GNA13: variants seen among roughly 807,000 people sequenced by gnomAD.
GNA13 encodes the protein guanine nucleotide-binding protein subunit alpha-13.
GNA13 carries 4 observed loss-of-function variants against 33.5 expected under a neutral mutation model. The ratio of observed to expected loss-of-function variants is 0.12; its 90% CI spans 0.06 to 0.27. The LOEUF is 0.27. GNA13 is among the 10% of genes least tolerant of loss of function. The pLI, the probability that GNA13 is intolerant of heterozygous loss-of-function variation, is 1.00. For synonymous variants in GNA13, 176 were observed against 183.8 expected, an observed-to-expected ratio of 0.96 and a Z score of 0.34; for missense variants, 319 against 487.2, an observed-to-expected ratio of 0.65 and a Z score of 3.25.
At chr17:65,020,115 G>A (rs892499411) in intron 2 of GNA13, among the ~76,000 whole-genome samples, 10 of 152,200 alleles carry the variant, frequency 6.6e-5, no homozygotes, top group Admixed American at 5.2e-4. Context: ...AGCTCAGTAC[G>A]AGGCAACTGG....
intron 2 of GNA13, among the ~76,000 whole-genome samples, chr17:65,037,443 G>C (rs1907288367): frequency 6.6e-6 from 1 of 152,086 alleles, no homozygotes; most frequent in Non-Finnish European, 1.5e-5. Context: ...ACTTTCCTGT[G>C]CCAACATCGA....
At chr17:65,043,332 G>A (rs541915722) in intron 2 of GNA13, among the ~76,000 whole-genome samples, 8 of 151,774 alleles carry the variant, frequency 5.3e-5, no homozygotes, top group Non-Finnish European at 1.2e-4. Context: ...CTGTCTCCCA[G>A]GCTGGAGTGC....
chr17:65,040,814 C>T (rs775318394), intron 2 of GNA13, among the ~76,000 whole-genome samples: 1 of 152,094 alleles, frequency 6.6e-6, no homozygotes, highest in Non-Finnish European at 1.5e-5. Flanking sequence ...TTTAAAAACC[C>T]GTTAGTTGAA....
At chr17:65,040,146 G>C (rs1257543689) in intron 2 of GNA13, among the ~76,000 whole-genome samples, 1 of 150,658 alleles carries the variant, frequency 6.6e-6, no homozygotes, top group African/African-American at 2.4e-5. Context: ...ACAACAAGGG[G>C]AACCTTGGTT....
chr17:65,018,634 G>C (rs948192832), intron 2 of GNA13, among the ~76,000 whole-genome samples: 1 of 152,128 alleles, frequency 6.6e-6, no homozygotes, highest in African/African-American at 2.4e-5. Flanking sequence ...CTGCTTTTGA[G>C]ATAAAACATA....
chr17:65,032,141 A>G (rs529747932), intron 2 of GNA13, among the ~76,000 whole-genome samples: 1 of 152,322 alleles, frequency 6.6e-6, no homozygotes, highest in South Asian at 2.1e-4. Flanking sequence ...TAAAGTTTTC[A>G]GCAACAATTA....
Position 65,014,152 on chromosome 17 carries a change from T to A in GNA13, c.*105A>T. The A allele has an allele frequency of 1.5e-6, 1 of 682,358 alleles. No individual in the cohort carries two copies. The highest frequency in any genetic ancestry group is 2.5e-6 in the Non-Finnish European group (1 of 398,834). The allele number at this position is 682,358 out of a possible 1,614,324, so 42.3% of individuals were successfully genotyped here. A position where few individuals can be genotyped will look rare whatever the true frequency, so the allele number is the denominator to read the frequency against. On this transcript the variant is annotated 3_prime_UTR_variant, in exon 4 of 4. Coordinates refer to ENST00000439174, the MANE Select transcript of GNA13 (RefSeq NM_006572.6). The surrounding 1 kb of genome is among the most constrained non-coding windows in gnomAD (Gnocchi z 5.3). The stretch of plus-strand genomic sequence containing the variant: ...GATTTTCAAGAAGTTAAACGTAGAA[T>A]TAAGATTGTTCTAATTCTGGTTGTA...
chr17:65,024,643 A>G (rs1906706677), intron 2 of GNA13, among the ~76,000 whole-genome samples: 1 of 152,238 alleles, frequency 6.6e-6, no homozygotes, highest in African/African-American at 2.4e-5. Context: ...GTGCTTATTA[A>G]AAATACAGAT....
intron 2 of GNA13, among the ~76,000 whole-genome samples, chr17:65,023,026 T>C (rs1011865184): frequency 7.2e-5 from 11 of 152,194 alleles, no homozygotes; most frequent in African/African-American, 2.7e-4. Flanking sequence ...AATGCCAAGT[T>C]TGAAGTGACT....
At chr17:65,017,315 C>A (rs1245356310) in intron 3 of GNA13, among the ~76,000 whole-genome samples, 1 of 152,166 alleles carries the variant, frequency 6.6e-6, no homozygotes, top group Non-Finnish European at 1.5e-5. Context: ...GGCTGCTTCA[C>A]ATGAAGCACA....
At chr17:65,042,448 ACACGGTGGCTGGG>A (rs1488658029) in intron 2 of GNA13, among the ~76,000 whole-genome samples, 3 of 152,208 alleles carry the variant, frequency 2.0e-5, no homozygotes, top group East Asian at 1.9e-4. Flanking sequence ...AACGAATGTA[ACACGGTGGCTGGG>A]CACGGTGGCT....
In GNA13 at chr17:65,013,794, A is replaced by G. The variant is rs1009978918; in HGVS notation, c.*463T>C. 1.9e-5 allele frequency: 4 copies of G among 216,204 alleles called. No homozygotes were observed. Among genetic ancestry groups the G allele is most frequent in the Admixed American group, 5.6e-5 (1 of 17,714 alleles). The allele number at this position is 216,204 out of a possible 1,614,324, so 13.4% of individuals were successfully genotyped here. A position where few individuals can be genotyped will look rare whatever the true frequency, so the allele number is the denominator to read the frequency against. On this transcript the variant is annotated 3_prime_UTR_variant, in exon 4 of 4. Coordinates refer to ENST00000439174, the MANE Select transcript of GNA13 (RefSeq NM_006572.6). ...ATAGAACTTCTAACAGCCCTTACAAAATAGGAGGTCACCATAAAGTTAGGC... is the reference window on the plus strand; with the variant it reads ...ATAGAACTTCTAACAGCCCTTACAAGATAGGAGGTCACCATAAAGTTAGGC...
intron 2 of GNA13, among the ~76,000 whole-genome samples, chr17:65,020,423 G>A (rs1906541536): frequency 6.6e-6 from 1 of 152,136 alleles, no homozygotes; most frequent in Non-Finnish European, 1.5e-5. Flanking sequence ...ATTTCAGTTA[G>A]TTCCACTGAT....
At chr17:65,031,921 A>AGCGAGAGAGAGTGTGT (rs770161529) in intron 2 of GNA13, among the ~76,000 whole-genome samples, 3 of 91,626 alleles carry the variant, frequency 3.3e-5, no homozygotes, top group Admixed American at 1.0e-4. Flanking sequence ...AGAGAGAGAG[A>AGCGAGAGAGAGTGTGT]GTGTGTGTGT....
chr17:65,053,529 G>A lies in GNA13; in HGVS notation c.483C>T (p.Ala161=), dbSNP rs11656602. The change falls in exon 2 of 4, where the codon GCC becomes GCT. Residue 161 remains alanine (A), a synonymous_variant. Coordinates refer to ENST00000439174, the MANE Select transcript of GNA13 (RefSeq NM_006572.6). ...ALWADSGIQN[A]YDRRREFQLG... is the part of the protein sequence containing the mutation. ...GTTGAAATTCTCGACGCCGGTCATA[G>A]GCATTCTGTATGCCGCTGTCTGCCC... 6.2e-7 allele frequency: 1 copy of A among 1,609,714 alleles called. No homozygotes were observed. Among genetic ancestry groups the A allele is most frequent in the South Asian group, 1.1e-5 (1 of 91,008 alleles).
At chr17:65,033,551 T>C (rs1907131170) in intron 2 of GNA13, among the ~76,000 whole-genome samples, 2 of 151,934 alleles carry the variant, frequency 1.3e-5, no homozygotes, top group Non-Finnish European at 2.9e-5. Context: ...CCACCAGTCA[T>C]GCCTTTCTGT....
intron 1 of GNA13, among the ~76,000 whole-genome samples, chr17:65,054,986 T>C (rs1907989044): frequency 6.6e-6 from 1 of 151,544 alleles, no homozygotes; most frequent in South Asian, 2.1e-4. Context: ...TTCTCTCTAA[T>C]TCATTACTCC....
intron 2 of GNA13, among the ~76,000 whole-genome samples, chr17:65,049,277 TTTTTGG>T (rs1001755493): frequency 2.0e-5 from 3 of 152,082 alleles, no homozygotes; most frequent in African/African-American, 4.8e-5. Flanking sequence ...GCCTGGCTAA[TTTTTGG>T]TTTTGGTTTT....
intron 1 of GNA13, 44 bp downstream of exon 1, chr17:65,056,263 CCCAG>C: frequency 7.9e-7 from 1 of 1,267,176 alleles, no homozygotes; most frequent in Non-Finnish European, 1.1e-6. Flanking sequence ...CCGCCGCCGC[CCCAG>C]CCCCCCTGCC....
Sources: allele counts gnomAD v4.1 joint callset (sites outside exome capture counted in the v4.1 genomes callset), GRCh38; gene constraint gnomAD v4.1.1; non-coding constraint Gnocchi (gnomAD v3.1); transcripts MANE v1.5; gene names NCBI Gene and HGNC (gene_info 2026-07-23, HGNC 2026-07-21).